The following SPG7 variants were observed in gnomAD, a reference collection of about 807,000 sequenced individuals.
SPG7 encodes SPG7 matrix AAA peptidase subunit, paraplegin.
Under a neutral mutation model 81.9 loss-of-function variants are expected in SPG7, and 103 were observed. The observed-to-expected ratio is 1.26, with a 90% confidence interval of 1.07 to 1.48. The LOEUF is 1.48. Ranked by LOEUF, SPG7 falls within the 40% of genes most tolerant of loss-of-function variation. The pLI, the probability that SPG7 is intolerant of heterozygous loss-of-function variation, is 0.00. For synonymous variants in SPG7, 534 were observed against 444.2 expected, an observed-to-expected ratio of 1.20 and a Z score of -2.54; for missense variants, 1,241 against 1,087.3, an observed-to-expected ratio of 1.14 and a Z score of -1.99.
At chr16:89,514,919 C>T (rs915492659) in intron 3 of SPG7, among the ~76,000 whole-genome samples, 2 of 149,632 alleles carry the variant, frequency 1.3e-5, no homozygotes, top group East Asian at 2.0e-4. Context: ...TGTGAACCAC[C>T]GTGCCTGGCC....
intron 5 of SPG7, chr16:89,529,197 T>C (rs1287124776): frequency 2.0e-6 from 1 of 494,552 alleles, no homozygotes; most frequent in Non-Finnish European, 3.7e-6. Context: ...ATACTGAAAA[T>C]AGAAAAACCT....
At chr16:89,535,431 C>T (rs771668369) in intron 9 of SPG7, among the ~76,000 whole-genome samples, 3 of 152,174 alleles carry the variant, frequency 2.0e-5, no homozygotes, top group East Asian at 1.9e-4. Flanking sequence ...CAGGACGCAA[C>T]GACGTTTGCG....
At chr16:89,556,801 C>A in intron 16 of SPG7, 86 bp from the exon 17 acceptor site, 1 of 1,064,768 alleles carries the variant, frequency 9.4e-7, no homozygotes, top group East Asian at 2.4e-5. Context: ...ACAGACAGGC[C>A]CTCACGCCTC....
At chr16:89,532,668 C>T (rs770842545) in intron 9 of SPG7, 32 bp downstream of exon 9, 2 of 1,611,772 alleles carry the variant, frequency 1.2e-6, no homozygotes, top group East Asian at 4.5e-5. Flanking sequence ...ACCCCCATTG[C>T]ACCATCAGAG....
chr16:89,537,345 G>C, intron 9 of SPG7: 1 of 1,170,138 alleles, frequency 8.5e-7, no homozygotes, highest in Non-Finnish European at 1.1e-6. Context: ...GGACGTCCAG[G>C]TCCCGGCTCC....
intron 9 of SPG7, chr16:89,543,984 C>G (rs2058532678): frequency 6.4e-6 from 1 of 157,028 alleles, no homozygotes; most frequent in South Asian, 1.9e-4. Flanking sequence ...AGTTTTGAAT[C>G]TTATATGCTC....
chr16:89,512,975 G>A lies in SPG7; in HGVS notation c.314G>A (p.Arg105Lys). The A allele has an allele frequency of 1.2e-6, 2 of 1,613,350 alleles. No individual in the cohort carries two copies. Among genetic ancestry groups the A allele is most frequent in the Non-Finnish European group, 1.7e-6 (2 of 1,179,424 alleles). The change falls in exon 3 of 17, where the codon AGG (arginine) becomes AAG (lysine). Residue 105 changes from arginine (R) to lysine (K), a missense_variant. Physicochemically the swap from Arg to Lys is conservative, Grantham distance 26. Coordinates refer to ENST00000645818, the MANE Select transcript of SPG7 (RefSeq NM_003119.4). ...GGTACTTTCTATTTTAACACCTCAAGGTTGAAGCAGAAGAATAAGGAGAAG... is the reference window on the plus strand; with the variant it reads ...GGTACTTTCTATTTTAACACCTCAAAGTTGAAGCAGAAGAATAAGGAGAAG... ...LGGTFYFNTS[R>K]LKQKNKEKDK...
intron 9 of SPG7, chr16:89,537,252 G>A: frequency 2.1e-6 from 3 of 1,396,070 alleles, no homozygotes; most frequent in Non-Finnish European, 2.8e-6. Flanking sequence ...GGTTACGTCA[G>A]CCGGTCCATG....
At position 89,512,974 on chromosome 16, in the gene SPG7, A is replaced by C. The variant is rs374082677; in HGVS notation, c.313A>C (p.Arg105=). The C allele has an allele frequency of 1.2e-6, 2 of 1,613,298 alleles. No homozygotes were observed. The highest frequency in any genetic ancestry group is 1.7e-6 in the Non-Finnish European group (2 of 1,179,338). ...TGGTACTTTCTATTTTAACACCTCA[A>C]GGTTGAAGCAGAAGAATAAGGAGAA... ...LGGTFYFNTS[R]LKQKNKEKDK... Residue 105 remains arginine, a synonymous_variant, in exon 3 of 17, where the codon AGG becomes CGG. Transcript: ENST00000645818.
chr16:89,541,581 TAGG>T (rs1385728429), intron 9 of SPG7: 1 of 154,316 alleles, frequency 6.5e-6, no homozygotes, highest in South Asian at 2.1e-4. Context: ...TGAGAGCACA[TAGG>T]AGTGGGGGCA....
At chr16:89,533,913 T>C (rs1597637877) in intron 9 of SPG7, 1 of 151,706 alleles carries the variant, frequency 6.6e-6, no homozygotes, top group South Asian at 2.1e-4. Flanking sequence ...GCAGAAGGAG[T>C]GCTGGAACCT....
At chr16:89,533,081 A>AG (rs2058367265) in intron 9 of SPG7, 1 of 176,702 alleles carries the variant, frequency 5.7e-6, no homozygotes, top group African/African-American at 2.4e-5. Flanking sequence ...CTCAAAAAAA[A>AG]AAAAAAAAAA....
Position 89,548,118 on chromosome 16 carries a change from AG to A in SPG7, c.1663+10del. On this transcript the variant is annotated splice_donor_region_variant and intron_variant, in intron 12 of 16. Transcript: ENST00000645818. Reference sequence around the variant, plus strand: ...CCGTGGAGCGCGTCCTCGCAGGTACAGGGGGCGCGCCCTGGGTGAAGGCCCT... The same window carrying A: ...CCGTGGAGCGCGTCCTCGCAGGTACAGGGGCGCGCCCTGGGTGAAGGCCCT... 3.1e-6 allele frequency: 5 copies of A among 1,593,740 alleles called. No individual in the cohort carries two copies. The highest frequency in any genetic ancestry group is 4.3e-6 in the Non-Finnish European group (5 of 1,170,962).
chr16:89,549,705 T>C (rs1263125533), intron 12 of SPG7: 3 of 170,264 alleles, frequency 1.8e-5, no homozygotes, highest in Non-Finnish European at 3.8e-5. Flanking sequence ...GCAAAAAGCT[T>C]CTGAAGGGGT....
chr16:89,544,544 A>T, intron 9 of SPG7, 104 bp from the exon 10 acceptor site: 1 of 1,359,952 alleles, frequency 7.4e-7, no homozygotes, highest in Non-Finnish European at 1.0e-6. Context: ...TCTGGGCCTT[A>T]GGGGGGTCTC....
chr16:89,548,290 A>T (rs1419492727), intron 12 of SPG7, 177 bp downstream of exon 12: 3 of 589,266 alleles, frequency 5.1e-6, no homozygotes. Flanking sequence ...TCCTTAGTTT[A>T]AAATATCACA....
intron 16 of SPG7, chr16:89,555,804 G>T: frequency 2.5e-6 from 1 of 394,888 alleles, no homozygotes; most frequent in Non-Finnish European, 4.4e-6. Context: ...ACGGCTCTTT[G>T]TCCCATGTTG....
rs1025277802 is a variant in SPG7, at chr16:89,526,723, G to A, written c.758+255G>A. ...AGCACCTGAGGATGCCTAAGCCCCTGGTGTAGGATGCTGAAGTCTAAGCCC... is the reference window on the plus strand; with the variant it reads ...AGCACCTGAGGATGCCTAAGCCCCTAGTGTAGGATGCTGAAGTCTAAGCCC... On this transcript the variant is annotated intron_variant, in intron 5 of 16. Transcript: ENST00000645818. 1.9e-4 allele frequency: 86 copies of A among 442,900 alleles called. 1 individual carries two copies. The Admixed American group carries it at 2.7e-3, about 14-fold the overall frequency. The allele number at this position is 442,900 out of a possible 1,614,324, so 27.4% of individuals were successfully genotyped here.
chr16:89,548,509 C>T (rs532673462), intron 12 of SPG7: 29 of 298,422 alleles, frequency 9.7e-5, no homozygotes, highest in African/African-American at 4.7e-4. Context: ...GGGCTGCTGC[C>T]GCCCGTGGCT....
Sources: gnomAD v4.1 joint callset for allele counts (sites outside exome capture counted in the v4.1 genomes callset) on GRCh38, gnomAD v4.1.1 for gene constraint, MANE v1.5 for transcripts, NCBI Gene and HGNC (gene_info 2026-07-23, HGNC 2026-07-21) for gene names.